The following BRINP3 variants were observed in gnomAD, a reference collection of about 807,000 sequenced individuals.
The protein encoded by BRINP3 is BMP/retinoic acid-inducible neural-specific protein 3.
BRINP3 carries 19 observed loss-of-function variants against 71.0 expected under a neutral mutation model. The ratio of observed to expected loss-of-function variants is 0.27; its 90% confidence interval spans 0.19 to 0.39. The LOEUF is 0.39. BRINP3 is among the 10% of genes least tolerant of loss of function. The probability of loss-of-function intolerance (pLI) is 1.00; values close to 1 mark genes in which losing one functional copy is unlikely to be tolerated. For synonymous variants in BRINP3, 380 were observed against 337.7 expected, an observed-to-expected ratio of 1.13 and a Z score of -1.37; for missense variants, 959 against 940.8, an observed-to-expected ratio of 1.02 and a Z score of -0.25.
chr1:190,137,923 T>C (rs934118836), intron 7 of BRINP3, among the ~76,000 whole-genome samples: 2 of 152,148 alleles, frequency 1.3e-5, no homozygotes, highest in African/African-American at 4.8e-5. Flanking sequence ...AACCTGACTT[T>C]ACAGAAATTA....
intron 7 of BRINP3, among the ~76,000 whole-genome samples, chr1:190,132,298 C>T (rs557709050): frequency 2.4e-4 from 36 of 152,070 alleles, no homozygotes; most frequent in African/African-American, 7.5e-4. Context: ...AACTTTTATT[C>T]CCAAACAGAA....
chr1:190,402,160 C>T (rs954294698), intron 2 of BRINP3, among the ~76,000 whole-genome samples: 3 of 151,938 alleles, frequency 2.0e-5, no homozygotes, highest in African/African-American at 4.8e-5. Flanking sequence ...TCACTGATGT[C>T]GTAGATGTAG....
At chr1:190,473,666 T>C (rs1302037823) in intron 1 of BRINP3, among the ~76,000 whole-genome samples, 5 of 151,818 alleles carry the variant, frequency 3.3e-5, no homozygotes, top group Admixed American at 3.3e-4. Flanking sequence ...GTGTTTGTCA[T>C]TTTAATTGAG....
intron 4 of BRINP3, among the ~76,000 whole-genome samples, chr1:190,238,176 C>A (rs1343556819): frequency 6.6e-6 from 1 of 151,926 alleles, no homozygotes; most frequent in African/African-American, 2.4e-5. Context: ...ATAAGTGTTT[C>A]TATTTTTTAA....
intron 7 of BRINP3, among the ~76,000 whole-genome samples, chr1:190,125,252 T>C (rs1225663609): frequency 6.6e-6 from 1 of 151,824 alleles, no homozygotes; most frequent in African/African-American, 2.4e-5. Flanking sequence ...GAGGTAATAG[T>C]GAACATGTCT....
chr1:190,129,526 C>G (rs1374700823), intron 7 of BRINP3, among the ~76,000 whole-genome samples: 5 of 151,864 alleles, frequency 3.3e-5, no homozygotes, highest in African/African-American at 4.8e-5. Context: ...TAGAAAAGAA[C>G]AGGTGCAGTT....
At chr1:190,368,686 A>T (rs1403443957) in intron 2 of BRINP3, among the ~76,000 whole-genome samples, 2 of 152,184 alleles carry the variant, frequency 1.3e-5, no homozygotes, top group East Asian at 3.9e-4. Context: ...GTGATTTATC[A>T]GGAGACAAGA....
chr1:190,297,796 G>T lies in BRINP3; in HGVS notation c.237-16046C>A, dbSNP rs188537304. ...TGTTTTCTCGTGTGTGTGTGTGTGT[G>T]TGTGTGTGCGTGTGTGTACCTGTGT... is the stretch of plus-strand genomic sequence containing the variant. On this transcript the variant is annotated intron_variant, in intron 2 of 7. Coordinates refer to ENST00000367462, the MANE Select transcript of BRINP3 (RefSeq NM_199051.3). 2.7e-3 allele frequency among the ~76,000 whole-genome samples: 414 copies of T among 151,276 alleles called. 3 individuals carry two copies. Among genetic ancestry groups the T allele is most frequent in the African/African-American group, 9.4e-3 (389 of 41,256 alleles).
chr1:190,317,991 A>G (rs994489445), intron 2 of BRINP3, among the ~76,000 whole-genome samples: 1 of 152,138 alleles, frequency 6.6e-6, no homozygotes, highest in Non-Finnish European at 1.5e-5. Context: ...AAAAACTAGC[A>G]TTTAAAAGTT....
chr1:190,324,441 A>T (rs981229973), intron 2 of BRINP3, among the ~76,000 whole-genome samples: 8 of 151,976 alleles, frequency 5.3e-5, no homozygotes, highest in African/African-American at 1.4e-4. Context: ...AATTTTATCA[A>T]TAATCAATAA....
intron 4 of BRINP3, among the ~76,000 whole-genome samples, chr1:190,243,703 A>T (rs1659325672): frequency 6.6e-6 from 1 of 152,104 alleles, no homozygotes; most frequent in African/African-American, 2.4e-5. Context: ...GGTGAGAGTT[A>T]CTAGGCAGCG....
In BRINP3 at chr1:190,380,217, G is replaced by T. The variant is rs538678547; in HGVS notation, c.236+74438C>A. Among the ~76,000 whole-genome samples the T allele has an allele frequency of 8.5e-5, 13 of 152,068 alleles. 1 individual carries two copies. Among genetic ancestry groups the T allele is most frequent in the Non-Finnish European group, 1.6e-4 (11 of 67,982 alleles). On this transcript the variant is annotated intron_variant, in intron 2 of 7. Transcript: ENST00000367462. ...AGGACGGAGCAAAATGTATGGACTGGAGACTTAAAAGGGTTTTTTAATGGA... is the reference window on the plus strand; with the variant it reads ...AGGACGGAGCAAAATGTATGGACTGTAGACTTAAAAGGGTTTTTTAATGGA...
At chr1:190,146,124 T>A (rs755679362) in intron 7 of BRINP3, among the ~76,000 whole-genome samples, 2 of 152,014 alleles carry the variant, frequency 1.3e-5, no homozygotes, top group Non-Finnish European at 2.9e-5. Flanking sequence ...AGGTGATGAG[T>A]GCTCTAAACC....
At chr1:190,383,255 C>T (rs1282647249) in intron 2 of BRINP3, among the ~76,000 whole-genome samples, 1 of 151,960 alleles carries the variant, frequency 6.6e-6, no homozygotes. Flanking sequence ...ATTAAGATAG[C>T]AATAAAGCCT....
rs543173191 is a variant in BRINP3 at position 190,428,683 on chromosome 1, C to T, written c.236+25972G>A. ...TATTTTGAATGTTTCCAACACAAAGCAATCATAAACATTTGAGATGATACA... is the reference window on the plus strand; with the variant it reads ...TATTTTGAATGTTTCCAACACAAAGTAATCATAAACATTTGAGATGATACA... On this transcript the variant is annotated intron_variant, in intron 2 of 7. Coordinates refer to ENST00000367462, the MANE Select transcript of BRINP3 (RefSeq NM_199051.3). Among the ~76,000 whole-genome samples the T allele has an allele frequency of 1.2e-4, 19 of 152,060 alleles. No individual in the cohort carries two copies. In the East Asian group the frequency reaches 3.5e-3, roughly 28 times the overall value.
rs541393599 is a variant in BRINP3, at chr1:190,440,549, T to A, written c.236+14106A>T. On this transcript the variant is annotated intron_variant, in intron 2 of 7. Transcript: ENST00000367462. ...ACTTAATTATAATGGAATGTCATAG[T>A]GAGAAATAAACTTAGAGAATTCCCT... Among the ~76,000 whole-genome samples, 57 of 152,072 alleles carry A rather than the reference T, an allele frequency of 3.7e-4. 1 individual carries two copies. The highest frequency in any genetic ancestry group is 1.2e-3 in the African/African-American group (51 of 41,542).
At chr1:190,286,323 G>A (rs1378751251) in intron 2 of BRINP3, among the ~76,000 whole-genome samples, 1 of 152,016 alleles carries the variant, frequency 6.6e-6, no homozygotes, top group Admixed American at 6.6e-5. Flanking sequence ...TCAAATTTCA[G>A]TTAAATGCTG....
chr1:190,412,099 T>C (rs1274988485), intron 2 of BRINP3, among the ~76,000 whole-genome samples: 1 of 151,834 alleles, frequency 6.6e-6, no homozygotes, highest in Non-Finnish European at 1.5e-5. Flanking sequence ...GAAATAGCAC[T>C]GACAAGCTTC....
At chr1:190,391,906 G>A (rs951164864) in intron 2 of BRINP3, among the ~76,000 whole-genome samples, 2 of 151,764 alleles carry the variant, frequency 1.3e-5, no homozygotes, top group African/African-American at 4.8e-5. Context: ...CTACTAATTA[G>A]TTTGCAAAAG....
Sources: allele counts gnomAD v4.1 joint callset (sites outside exome capture counted in the v4.1 genomes callset), GRCh38; gene constraint gnomAD v4.1.1; transcripts MANE v1.5; gene names NCBI Gene and HGNC (gene_info 2026-07-23, HGNC 2026-07-21).